The following RENBP variants were observed in gnomAD, a reference collection of about 807,000 sequenced individuals.
RENBP encodes the protein renin binding protein, also known as N-acylglucosamine 2-epimerase.
Under a neutral mutation model 37.8 loss-of-function variants are expected in RENBP, and 16 were observed. The ratio of observed to expected loss-of-function variants is 0.42; its 90% CI spans 0.29 to 0.64. The LOEUF (loss-of-function observed/expected upper bound fraction) is 0.64. Ranked by LOEUF, RENBP falls within the 30% of genes least tolerant of loss-of-function variation. The pLI is 0.19. For synonymous variants in RENBP, 170 were observed against 154.8 expected, an observed-to-expected ratio of 1.10 and a Z score of -0.73; for missense variants, 347 against 379.5, an observed-to-expected ratio of 0.91 and a Z score of 0.71.
At chrX:153,940,355 C>A in intron 8 of RENBP, 122 bp from the exon 9 acceptor site, 1 of 848,690 alleles carries the variant, frequency 1.2e-6, no homozygotes, top group Non-Finnish European at 1.7e-6. Context: ...TTTGGAAGTT[C>A]TGAAGGACCC....
In RENBP at chrX:153,944,602, C is replaced by T. The variant is rs1557110298; in HGVS notation, c.9G>A (p.Lys3=). 3 of 1,165,327 alleles carry T rather than the reference C, an allele frequency of 2.6e-6. No homozygotes were observed. The highest frequency in any genetic ancestry group is 2.6e-5 in the Admixed American group (1 of 38,584). MS[K]GLPARQDMEK... ...CACTGGCCTGTCGCGCTGGGAGACC[C>T]TTGCTCATCCCTCCTGCTCCTCTAG... The change falls in exon 1 of 11, where the codon AAG becomes AAA. Residue 3 remains lysine, a synonymous_variant. Transcript: ENST00000393700.
At chrX:153,941,779 C>G (rs1603292145) in intron 7 of RENBP, 126 bp from the exon 8 acceptor site, 2 of 744,501 alleles carry the variant, frequency 2.7e-6, no homozygotes, top group Middle Eastern at 4.7e-4. Context: ...TCTGAGCTCC[C>G]TGGCCCTGGA....
At chrX:153,937,861 C>T (rs1433271692) in intron 9 of RENBP, among the ~76,000 whole-genome samples, 5 of 111,048 alleles carry the variant, frequency 4.5e-5, no homozygotes, top group Admixed American at 1.9e-4. Flanking sequence ...TTTCAAAGTG[C>T]TGGAATGGCA....
intron 5 of RENBP, among the ~76,000 whole-genome samples, chrX:153,943,316 C>T (rs2065235660): frequency 8.9e-6 from 1 of 112,528 alleles, no homozygotes; most frequent in Non-Finnish European, 1.9e-5. Context: ...GGTCTGGCAG[C>T]ACAGGGAGCC....
At chrX:153,939,985 G>A (rs2065219336) in intron 9 of RENBP, 117 bp downstream of exon 9, 19 of 946,281 alleles carry the variant, frequency 2.0e-5, no homozygotes, top group Non-Finnish European at 1.9e-5. Flanking sequence ...CTGGGGCTCC[G>A]GAAACTCTCA....
At chrX:153,943,318 C>T (rs1194647217) in intron 5 of RENBP, among the ~76,000 whole-genome samples, 1 of 112,550 alleles carries the variant, frequency 8.9e-6, no homozygotes, top group Non-Finnish European at 1.9e-5. Context: ...TCTGGCAGCA[C>T]AGGGAGCCCA....
intron 9 of RENBP, 32 bp from the exon 10 acceptor site, chrX:153,935,608 C>T (rs1603291213): frequency 9.0e-7 from 1 of 1,116,341 alleles, no homozygotes; most frequent in Non-Finnish European, 1.2e-6. Context: ...CAGCTAGCGC[C>T]TGCAGGACCC....
intron 5 of RENBP, 39 bp downstream of exon 5, chrX:153,943,507 G>T (rs376890844): frequency 1.5e-5 from 17 of 1,169,751 alleles, no homozygotes; most frequent in Non-Finnish European, 1.8e-5. Context: ...TGGCAGGGTC[G>T]CAGGGTGGGG....
rs781893069 is a variant in RENBP at position 153,941,523 on chromosome X, T to A, written c.900A>T (p.Gly300=). The A allele has an allele frequency of 8.3e-7, 1 of 1,210,983 alleles. No homozygotes were observed. Among genetic ancestry groups the A allele is most frequent in the African/African-American group, 1.7e-5 (1 of 57,610 alleles). ...CAGCATCCTGGAAGTAAAAGAGGCC[T>A]CCGTGGTCAGGGTCCCATCCGGAGT... is the stretch of plus-strand genomic sequence containing the variant. The part of the protein sequence containing the change: ...PFHSGWDPDH[G]GLFYFQDADN... Residue 300 remains glycine (G), a synonymous_variant, in exon 8 of 11, where the codon GGA becomes GGT. Transcript: ENST00000393700.
Position 153,943,640 on chromosome X carries a change from C to T in RENBP, c.368G>A (p.Arg123His), listed in dbSNP as rs782603882. ...KCAFVLTRDG[R>H]PVKVQRTIFS... ...GATGGTTCGCTGCACCTTGACCGGG[C>T]GGCCGTCCCGAGTCAGCACAAAGGC... The change falls in exon 5 of 11, where the codon CGC (arginine) becomes CAC (histidine). Residue 123 changes from arginine to histidine, a missense_variant. Coordinates refer to ENST00000393700, the MANE Select transcript of RENBP (RefSeq NM_002910.6). 1.6e-5 allele frequency: 19 copies of T among 1,209,890 alleles called. No individual in the cohort carries two copies. Among genetic ancestry groups the T allele is most frequent in the Admixed American group, 4.4e-5 (2 of 45,883 alleles).
At chrX:153,939,805 AC>A (rs782495855) in intron 9 of RENBP, among the ~76,000 whole-genome samples, 1 of 103,285 alleles carries the variant, frequency 9.7e-6, no homozygotes, top group South Asian at 4.6e-4. Flanking sequence ...CCCTGCTGCC[AC>A]CCCATAGGAA....
Position 153,942,036 on chromosome X carries a change from C to G in RENBP, c.688-5G>C. On this transcript the variant is annotated splice_region_variant and splice_polypyrimidine_tract_variant and intron_variant, in intron 6 of 10. Coordinates refer to ENST00000393700, the MANE Select transcript of RENBP (RefSeq NM_002910.6). Reference sequence around the variant, plus strand: ...CAGCACAGCTTGTCCATCCCTCTACCGGGAAGGAGCAGAAGGGAATGTTGC... The same window carrying G: ...CAGCACAGCTTGTCCATCCCTCTACGGGGAAGGAGCAGAAGGGAATGTTGC... 8.4e-7 allele frequency: 1 copy of G among 1,187,624 alleles called. No individual in the cohort carries two copies. Among genetic ancestry groups the G allele is most frequent in the Non-Finnish European group, 1.1e-6 (1 of 876,263 alleles).
At chrX:153,936,469 G>A (rs2065202812) in intron 9 of RENBP, among the ~76,000 whole-genome samples, 2 of 96,143 alleles carry the variant, frequency 2.1e-5, no homozygotes, top group Admixed American at 1.2e-4. Context: ...TCGCGCCACT[G>A]CACTCCAGCC....
chrX:153,940,367 T>C (rs1603291962), intron 8 of RENBP, 134 bp from the exon 9 acceptor site: 1 of 747,603 alleles, frequency 1.3e-6, no homozygotes, highest in East Asian at 3.4e-5. Context: ...GAAGGACCCC[T>C]CCCAGTGATA....
At chrX:153,935,621 C>T in intron 9 of RENBP, 45 bp from the exon 10 acceptor site, 1 of 1,043,789 alleles carries the variant, frequency 9.6e-7, no homozygotes, top group Non-Finnish European at 1.3e-6. Flanking sequence ...CAGGACCCGC[C>T]CAGATGCCAC....
Position 153,941,460 on chromosome X carries a change from C to T in RENBP, c.945+18G>A. 8.3e-7 allele frequency: 1 copy of T among 1,208,922 alleles called. No homozygotes were observed. The highest frequency in any genetic ancestry group is 1.1e-6 in the Non-Finnish European group (1 of 893,806). ...TTAGAACAGCGTGGGTCACACATGG[C>T]CCTGGGCGCTCTCCCACCTGGGTGG... is the stretch of plus-strand genomic sequence containing the variant. On this transcript the variant is annotated intron_variant, in intron 8 of 10. Transcript: ENST00000393700.
At chrX:153,940,325 G>A in intron 8 of RENBP, 92 bp from the exon 9 acceptor site, 1 of 1,070,345 alleles carries the variant, frequency 9.3e-7, no homozygotes, top group Non-Finnish European at 1.3e-6. Context: ...CAAGCTACTG[G>A]AGGTGAATTG....
intron 2 of RENBP, 39 bp from the exon 3 acceptor site, chrX:153,944,194 TTGCCAGCCCCTCCTGCCCCTCTGG>T (rs781914379): frequency 8.4e-6 from 10 of 1,192,013 alleles, no homozygotes; most frequent in Non-Finnish European, 1.0e-5. Context: ...GGAACGGGCC[TTGCCAGCCCCTCCTGCCCCTCTGG>T]GGCCAGCAAA....
chrX:153,938,790 T>G (rs909989856), intron 9 of RENBP, among the ~76,000 whole-genome samples: 1 of 90,743 alleles, frequency 1.1e-5, no homozygotes, highest in Non-Finnish European at 2.0e-5. Flanking sequence ...CTGTTTTTTT[T>G]TTTTTGTTTT....
Sources: allele counts gnomAD v4.1 joint callset (sites outside exome capture counted in the v4.1 genomes callset), GRCh38; gene constraint gnomAD v4.1.1; transcripts MANE v1.5; gene names NCBI Gene and HGNC (gene_info 2026-07-23, HGNC 2026-07-21).